Variants in SPTBN1 observed in about 807,000 individuals in gnomAD.
SPTBN1 encodes the protein spectrin beta, non-erythrocytic 1.
A neutral mutation model predicts 266.4 loss-of-function variants in SPTBN1; 32 were observed. The observed-to-expected ratio is 0.12, with a 90% CI of 0.09 to 0.16. The LOEUF (loss-of-function observed/expected upper bound fraction) is 0.16, where lower values mean the gene tolerates loss of function less well. Among genes scored for constraint, SPTBN1 ranks in the 10% least tolerant of loss-of-function variants. The pLI is 1.00. For synonymous variants in SPTBN1, 1,336 were observed against 1,162.2 expected (o/e 1.15, Z -3.04); for missense variants, 2,296 against 3,067.1 (o/e 0.75, Z 5.94).
At chr2:54,609,282 G>A (rs765107231) in intron 3 of SPTBN1, among the ~76,000 whole-genome samples, 7 of 152,138 alleles carry the variant, frequency 4.6e-5, no homozygotes, top group Non-Finnish European at 1.0e-4. Flanking sequence ...GTGTCTGATA[G>A]CTCTTGAATT....
chr2:54,581,146 T>A (rs1211061451), intron 2 of SPTBN1, among the ~76,000 whole-genome samples: 1 of 152,052 alleles, frequency 6.6e-6, no homozygotes, highest in African/African-American at 2.4e-5. Flanking sequence ...CTTTATATAT[T>A]TTTATATATA....
intron 11 of SPTBN1, among the ~76,000 whole-genome samples, chr2:54,625,501 A>G (rs868071040): frequency 6.7e-6 from 1 of 149,314 alleles, no homozygotes; most frequent in African/African-American, 2.5e-5. Context: ...CTTTAAGACC[A>G]CCAGGGATTA....
intron 2 of SPTBN1, among the ~76,000 whole-genome samples, chr2:54,531,436 T>C (rs1273288340): frequency 1.3e-5 from 2 of 152,146 alleles, no homozygotes; most frequent in African/African-American, 4.8e-5. Context: ...TTTTCTTGTT[T>C]GTTTAGAAAT....
chr2:54,469,941 G>A (rs1356748020), intron 1 of SPTBN1, among the ~76,000 whole-genome samples: 1 of 152,166 alleles, frequency 6.6e-6, no homozygotes, highest in Non-Finnish European at 1.5e-5. Context: ...CATTTCGGAA[G>A]GAAAGAAACC....
At chr2:54,582,553 G>A (rs1675005928) in intron 2 of SPTBN1, among the ~76,000 whole-genome samples, 1 of 143,612 alleles carries the variant, frequency 7.0e-6, no homozygotes. Flanking sequence ...GACAGAGCAA[G>A]ACTCCGTCTC....
At position 54,612,339 on chromosome 2, in the gene SPTBN1, G is replaced by T; in HGVS notation, c.474+5G>T. Reference sequence around the variant, plus strand: ...ACCATCATCCTGCGCTTCCAGGTAAGGGTCTCTGCCCAGGGTTGCTCAGAA... The same window carrying T: ...ACCATCATCCTGCGCTTCCAGGTAATGGTCTCTGCCCAGGGTTGCTCAGAA... On this transcript the variant is annotated splice_donor_5th_base_variant and intron_variant, in intron 4 of 35. Transcript: ENST00000356805. 6.2e-7 allele frequency: 1 copy of T among 1,610,058 alleles called. No homozygotes were observed. Among genetic ancestry groups the T allele is most frequent in the Non-Finnish European group, 8.5e-7 (1 of 1,177,438 alleles).
intron 1 of SPTBN1, among the ~76,000 whole-genome samples, chr2:54,463,137 A>G (rs567573790): frequency 1.6e-4 from 25 of 152,238 alleles, no homozygotes; most frequent in African/African-American, 5.8e-4. Flanking sequence ...GGCCAAGGGA[A>G]CAAGGAGAGG....
chr2:54,599,703 G>A (rs1011012005), intron 3 of SPTBN1, among the ~76,000 whole-genome samples: 2 of 152,284 alleles, frequency 1.3e-5, no homozygotes, highest in Admixed American at 6.5e-5. Flanking sequence ...TTCCCTGCAC[G>A]CTTTTTATTT....
rs143399839 is a variant in SPTBN1 at position 54,670,878 on chromosome 2, C to T, written c.*2309C>T. On this transcript the variant is annotated 3_prime_UTR_variant, in exon 36 of 36. Coordinates refer to ENST00000356805, the MANE Select transcript of SPTBN1 (RefSeq NM_003128.3). ...GAGCGTCAGAAGACCCCAGTCAAGA[C>T]GTGTTCGCCATCAGAGGTTACAGGC... 4.4e-3 allele frequency: 1,758 copies of T among 398,308 alleles called. 9 individuals are homozygous for T. Among genetic ancestry groups the T allele is most frequent in the Non-Finnish European group, 4.5e-3 (1,022 of 226,008 alleles). The allele number at this position is 398,308 out of a possible 1,614,324, so 24.7% of individuals were successfully genotyped here. A position where few individuals can be genotyped will look rare whatever the true frequency, so the allele number is the denominator to read the frequency against.
chr2:54,522,716 GAAA>G (rs1477695807), intron 1 of SPTBN1, among the ~76,000 whole-genome samples: 12 of 137,612 alleles, frequency 8.7e-5, no homozygotes, highest in African/African-American at 3.2e-4. Flanking sequence ...AGAAAGGAAA[GAAA>G]GAAAGAAAGA....
chr2:54,622,590 T>A (rs1312199310), intron 9 of SPTBN1, 103 bp downstream of exon 9: 29 of 1,303,004 alleles, frequency 2.2e-5, no homozygotes, highest in African/African-American at 4.4e-5. Flanking sequence ...CTTAACTGAA[T>A]GCCTTTCAGT....
intron 32 of SPTBN1, chr2:54,660,355 G>T: frequency 3.3e-6 from 4 of 1,205,118 alleles, no homozygotes; most frequent in Non-Finnish European, 4.1e-6. Flanking sequence ...TAATTGAAAT[G>T]AAATTAAATG....
intron 1 of SPTBN1, among the ~76,000 whole-genome samples, chr2:54,457,515 G>A (rs1043781973): frequency 4.6e-5 from 7 of 152,212 alleles, no homozygotes; most frequent in Non-Finnish European, 7.3e-5. Flanking sequence ...GCGTGTGGGG[G>A]TGCTTCGGCG....
intron 17 of SPTBN1, among the ~76,000 whole-genome samples, chr2:54,636,501 A>G (rs779099463): frequency 3.3e-5 from 5 of 152,154 alleles, no homozygotes; most frequent in Admixed American, 6.5e-5. Flanking sequence ...CTGCATTGTC[A>G]GCAGCCACTG....
At chr2:54,505,431 C>T (rs746090401) in intron 1 of SPTBN1, among the ~76,000 whole-genome samples, 1 of 152,158 alleles carries the variant, frequency 6.6e-6, no homozygotes, top group Non-Finnish European at 1.5e-5. Flanking sequence ...AACAACAAAT[C>T]GAATACCTCT....
At chr2:54,513,444 G>T (rs1573308802) in intron 1 of SPTBN1, among the ~76,000 whole-genome samples, 1 of 152,100 alleles carries the variant, frequency 6.6e-6, no homozygotes, top group Admixed American at 6.5e-5. Context: ...GTGCTTTATT[G>T]CTCCTGTGTT....
chr2:54,645,503 T>C lies in SPTBN1; in HGVS notation c.4494+50T>C, dbSNP rs775854078. On this transcript the variant is annotated intron_variant, in intron 21 of 35. Coordinates refer to ENST00000356805, the MANE Select transcript of SPTBN1 (RefSeq NM_003128.3). This position sits in a 1 kb window ranked among gnomAD's most constrained non-coding sequence, Gnocchi z 4.3. ...TGGCTTTTCCACGAGCCCCCTTGCC[T>C]GTGCTAAAGCCCACATTCTCACTTC... 7.0e-6 allele frequency: 11 copies of C among 1,581,076 alleles called. No homozygotes were observed. The highest frequency in any genetic ancestry group is 2.3e-5 in the South Asian group (2 of 88,010).
At chr2:54,566,345 G>A (rs1270983059) in intron 2 of SPTBN1, among the ~76,000 whole-genome samples, 4 of 151,600 alleles carry the variant, frequency 2.6e-5, no homozygotes, top group Non-Finnish European at 5.9e-5. Context: ...CCACCACCAC[G>A]CCCAGCTAAT....
chr2:54,649,723 T>A lies in SPTBN1; in HGVS notation c.5311T>A (p.Ser1771Thr). Reference protein sequence around the residue: ...LADELINSGHSDAATIAEWKD... With the variant: ...LADELINSGHTDAATIAEWKD... ...AGATGAGCTCATCAACTCTGGACAT[T>A]CAGATGCCGCCACCATCGCTGAATG... The change falls in exon 26 of 36, where the codon TCA (serine) becomes ACA (threonine). Residue 1771 changes from serine to threonine, a missense_variant. Physicochemically the swap from Ser to Thr is moderately conservative, Grantham distance 58. Transcript: ENST00000356805. The surrounding 1 kb of genome is among the most constrained non-coding windows in gnomAD (Gnocchi z 6.7). The A allele has an allele frequency of 6.2e-7, 1 of 1,614,144 alleles. No homozygotes were observed. The highest frequency in any genetic ancestry group is 1.1e-5 in the South Asian group (1 of 91,080).
Sources: gnomAD v4.1 joint callset for allele counts (sites outside exome capture counted in the v4.1 genomes callset) on GRCh38, gnomAD v4.1.1 for gene constraint, Gnocchi (gnomAD v3.1) non-coding constraint, MANE v1.5 for transcripts, NCBI Gene and HGNC (gene_info 2026-07-23, HGNC 2026-07-21) for gene names.